The following ERCC8 variants were observed in gnomAD, a reference collection of about 807,000 sequenced individuals.
ERCC8 encodes DNA excision repair protein ERCC-8.
In ERCC8, 52 loss-of-function variants were observed where a neutral mutation model predicts 54.9. The observed-to-expected ratio is 0.95, with a 90% CI of 0.76 to 1.19. The LOEUF is 1.19. ERCC8 is among the 50% of genes most tolerant of loss of function. ERCC8 has a pLI of 0.00. For synonymous variants in ERCC8, 146 were observed against 157.2 expected (o/e 0.93, Z 0.53); for missense variants, 514 against 466.1 (o/e 1.10, Z -0.95).
Position 60,892,838 on chromosome 5 carries a change from T to G in ERCC8, c.844-1752A>C, listed in dbSNP as rs182053394. On this transcript the variant is annotated intron_variant, in intron 9 of 11. Coordinates refer to ENST00000676185, the MANE Select transcript of ERCC8 (RefSeq NM_000082.4). ...CCCCAGGAATGGCTCCCACACTGCATGCATGGCTGTGCTTCAGGCTTTTAA... is the reference window on the plus strand; with the variant it reads ...CCCCAGGAATGGCTCCCACACTGCAGGCATGGCTGTGCTTCAGGCTTTTAA... The G allele has an allele frequency of 1.7e-5, 12 of 690,846 alleles. No individual in the cohort carries two copies. The East Asian group carries it at 2.3e-4, about 13-fold the overall frequency. The allele number at this position is 690,846 out of a possible 1,614,324, so 42.8% of individuals were successfully genotyped here.
chr5:60,899,690 C>T lies in ERCC8; in HGVS notation c.655G>A (p.Ala219Thr), dbSNP rs150727525. The change falls in exon 8 of 12, where the codon GCA becomes ACA. Residue 219 changes from alanine to threonine, a missense_variant. Coordinates refer to ENST00000676185, the MANE Select transcript of ERCC8 (RefSeq NM_000082.4). Reference protein sequence around the residue: ...SRVKLWDVRRASGCLITLDQH... With the variant: ...SRVKLWDVRRTSGCLITLDQH... ...TCAAGAGTAATCAAACATCCTGATG[C>T]TCTTCTCACATCCCATAATTTTACT... 3.1e-6 allele frequency: 5 copies of T among 1,612,208 alleles called. No individual in the cohort carries two copies. Among genetic ancestry groups the T allele is most frequent in the Non-Finnish European group, 4.2e-6 (5 of 1,178,908 alleles).
At chr5:60,900,045 C>A (rs1475564614) in intron 7 of ERCC8, among the ~76,000 whole-genome samples, 2 of 151,894 alleles carry the variant, frequency 1.3e-5, no homozygotes, top group Non-Finnish European at 2.9e-5. Flanking sequence ...GTAGCTTGTT[C>A]CAAGTAAGTT....
At chr5:60,893,095 C>T (rs1748614450) in intron 9 of ERCC8, 2 of 774,334 alleles carry the variant, frequency 2.6e-6, no homozygotes, top group Admixed American at 3.6e-5. Flanking sequence ...AAGACCAGGA[C>T]CAGCTTCTTG....
In ERCC8 at chr5:60,868,614, T is replaced by G. The variant is rs147904103; in HGVS notation, c.*6001A>C. On this transcript the variant is annotated 3_prime_UTR_variant, in exon 12 of 12. Coordinates refer to ENST00000676185, the MANE Select transcript of ERCC8 (RefSeq NM_000082.4). The stretch of plus-strand genomic sequence containing the variant: ...GGCAGCAAAAGAAGTATGCCTTCTG[T>G]ATCTGAGGATGTTGCTGATAGAGCT... Among the ~76,000 whole-genome samples, 104 of 152,364 alleles carry G rather than the reference T, an allele frequency of 6.8e-4. 2 individuals are homozygous for G. Among genetic ancestry groups the G allele is most frequent in the Middle Eastern group, 3.4e-3 (1 of 294 alleles).
At chr5:60,903,763 T>C in intron 5 of ERCC8, 47 bp from the exon 6 acceptor site, 2 of 1,578,406 alleles carry the variant, frequency 1.3e-6, no homozygotes, top group Non-Finnish European at 1.7e-6. Context: ...TAAGTCATCA[T>C]CAAAAGGAAA....
At chr5:60,916,959 A>G (rs182736544) in intron 4 of ERCC8, among the ~76,000 whole-genome samples, 6 of 152,210 alleles carry the variant, frequency 3.9e-5, no homozygotes, top group African/African-American at 2.4e-5. Context: ...TATGAAAATG[A>G]TATTATAAAG....
chr5:60,914,810 G>C (rs58853350), intron 4 of ERCC8, among the ~76,000 whole-genome samples: 2,884 of 129,368 alleles, frequency 0.022, 125 homozygotes, highest in African/African-American at 0.074. Flanking sequence ...AAAAAAAAAA[G>C]GATATTGACT....
chr5:60,898,689 C>A (rs1748788645), intron 8 of ERCC8, among the ~76,000 whole-genome samples: 1 of 150,618 alleles, frequency 6.6e-6, no homozygotes, highest in East Asian at 1.9e-4. Flanking sequence ...TGTAGCTTAA[C>A]ACTAAAATTT....
At chr5:60,898,423 GT>G in intron 8 of ERCC8, 23 bp from the exon 9 acceptor site, 1 of 1,612,454 alleles carries the variant, frequency 6.2e-7, no homozygotes, top group South Asian at 1.1e-5. Flanking sequence ...ACATAGTTCA[GT>G]TTATCTGTTC....
At chr5:60,936,442 TTTTA>T (rs1750068775) in intron 1 of ERCC8, among the ~76,000 whole-genome samples, 1 of 152,196 alleles carries the variant, frequency 6.6e-6, no homozygotes, top group African/African-American at 2.4e-5. Flanking sequence ...GGTCTATCAA[TTTTA>T]TTTATCTTTT....
chr5:60,879,539 G>A (rs1262383487), intron 11 of ERCC8, among the ~76,000 whole-genome samples: 1 of 152,188 alleles, frequency 6.6e-6, no homozygotes, highest in Non-Finnish European at 1.5e-5. Context: ...CTTGTTTTAT[G>A]AATCTGGGTG....
intron 2 of ERCC8, among the ~76,000 whole-genome samples, chr5:60,927,550 C>T (rs1749783386): frequency 6.6e-6 from 1 of 152,208 alleles, no homozygotes. Flanking sequence ...TAATCTGTAA[C>T]TTCCCATATT....
chr5:60,903,586 A>T (rs1203793569), intron 6 of ERCC8, 62 bp downstream of exon 6: 2 of 1,605,678 alleles, frequency 1.2e-6, no homozygotes, highest in East Asian at 4.5e-5. Flanking sequence ...ACTGTTAGTA[A>T]CGTTTCTTTT....
chr5:60,923,569 G>C (rs1749662784), intron 2 of ERCC8, among the ~76,000 whole-genome samples: 1 of 152,024 alleles, frequency 6.6e-6, no homozygotes, highest in Non-Finnish European at 1.5e-5. Flanking sequence ...CTGCAAAATG[G>C]AGGATATTCT....
chr5:60,884,173 C>T (rs80295722), intron 11 of ERCC8, among the ~76,000 whole-genome samples: 3,658 of 152,180 alleles, frequency 0.024, 62 homozygotes, highest in Non-Finnish European at 0.037. Context: ...AACCCAGTTT[C>T]CTGAAGCTAA....
At chr5:60,926,012 A>G (rs1749738069) in intron 2 of ERCC8, among the ~76,000 whole-genome samples, 1 of 151,918 alleles carries the variant, frequency 6.6e-6, no homozygotes, top group African/African-American at 2.4e-5. Context: ...TTTAGTAGAG[A>G]CGGGGTTTCA....
chr5:60,871,515 G>C lies in ERCC8; in HGVS notation c.*3100C>G, dbSNP rs1747862539. 6.6e-6 allele frequency among the ~76,000 whole-genome samples: 1 copy of C among 152,192 alleles called. No individual in the cohort carries two copies. Among genetic ancestry groups the C allele is most frequent in the Non-Finnish European group, 1.5e-5 (1 of 68,034 alleles). On this transcript the variant is annotated 3_prime_UTR_variant, in exon 12 of 12. Transcript: ENST00000676185. ...GGGGAATGTGGTACTAATGTGGAAA[G>C]AGAGGGGTGTTTATAACAACAGCTT...
intron 1 of ERCC8, among the ~76,000 whole-genome samples, chr5:60,934,968 C>A (rs568718483): frequency 3.9e-5 from 6 of 152,244 alleles, no homozygotes; most frequent in Admixed American, 2.0e-4. Flanking sequence ...GTGACTATGG[C>A]CTTATAGTAT....
intron 4 of ERCC8, among the ~76,000 whole-genome samples, chr5:60,908,428 T>C (rs1329746058): frequency 6.6e-6 from 1 of 151,968 alleles, no homozygotes; most frequent in African/African-American, 2.4e-5. Flanking sequence ...TTGGATTTCC[T>C]GTAAATCCCT....
Sources: allele counts gnomAD v4.1 joint callset (sites outside exome capture counted in the v4.1 genomes callset), GRCh38; gene constraint gnomAD v4.1.1; transcripts MANE v1.5; gene names NCBI Gene and HGNC (gene_info 2026-07-23, HGNC 2026-07-21).